The following APPL1 variants were observed in gnomAD, a reference collection of about 807,000 sequenced individuals.
APPL1 encodes adaptor protein, phosphotyrosine interacting with PH domain and leucine zipper 1.
A neutral mutation model predicts 106.8 loss-of-function variants in APPL1; 42 were observed. The ratio of observed to expected loss-of-function variants is 0.39; its 90% CI spans 0.31 to 0.51. The LOEUF is 0.51. Ranked by LOEUF, APPL1 falls within the 20% of genes least tolerant of loss-of-function variation. APPL1 has a pLI of 0.75. For missense variants in APPL1, 769 were observed against 858.2 expected (o/e 0.90, Z 1.30); for synonymous variants, 263 against 281.8 (o/e 0.93, Z 0.67).
Position 57,227,779 on chromosome 3 carries a change from GC to G in APPL1, c.-102del. On this transcript the variant is annotated 5_prime_UTR_variant, in exon 1 of 22. Coordinates refer to ENST00000288266, the MANE Select transcript of APPL1 (RefSeq NM_012096.3). ...GGCTGTGCGGGCGGGGACGGCTGCAGCCCTTGCCGGAGAGGGCGGGCCGGGG... is the reference window on the plus strand; with the variant it reads ...GGCTGTGCGGGCGGGGACGGCTGCAGCCTTGCCGGAGAGGGCGGGCCGGGG... 1 of 1,025,856 alleles carries G rather than the reference GC, an allele frequency of 9.7e-7. No individual in the cohort carries two copies. The highest frequency in any genetic ancestry group is 1.3e-6 in the Non-Finnish European group (1 of 762,506). 63.5% of individuals were successfully genotyped at this position (1,025,856 alleles called of 1,614,324 possible).
intron 19 of APPL1, among the ~76,000 whole-genome samples, chr3:57,262,363 T>C (rs889553433): frequency 2.3e-4 from 34 of 148,978 alleles, no homozygotes; most frequent in African/African-American, 3.2e-4. Flanking sequence ...TTCTAGTGTT[T>C]TTTTTTTCTA....
chr3:57,259,709 C>G, intron 16 of APPL1, 136 bp from the exon 17 acceptor site: 1 of 687,172 alleles, frequency 1.5e-6, no homozygotes, highest in Non-Finnish European at 2.3e-6. Flanking sequence ...CTCCCTTAGG[C>G]TGTTGAATTT....
At chr3:57,238,808 A>C (rs868485893) in intron 4 of APPL1, among the ~76,000 whole-genome samples, 1 of 152,154 alleles carries the variant, frequency 6.6e-6, no homozygotes, top group Middle Eastern at 3.2e-3. Flanking sequence ...CATAGCATAA[A>C]ATTTGTCATT....
chr3:57,247,203 A>AT (rs1447237974), intron 8 of APPL1, among the ~76,000 whole-genome samples, 192 bp from the exon 9 acceptor site: 1 of 152,226 alleles, frequency 6.6e-6, no homozygotes, highest in African/African-American at 2.4e-5. Flanking sequence ...ATGCAGTGGA[A>AT]TTTAAGTCTA....
chr3:57,268,073 A>G (rs2060907158), intron 20 of APPL1: 2 of 498,858 alleles, frequency 4.0e-6, no homozygotes, highest in Admixed American at 3.6e-5. Flanking sequence ...AGCCTGGGCA[A>G]CAGAGCGAGA....
At chr3:57,243,579 G>A (rs2060757718) in intron 7 of APPL1, among the ~76,000 whole-genome samples, 1 of 152,198 alleles carries the variant, frequency 6.6e-6, no homozygotes, top group African/African-American at 2.4e-5. Context: ...GTGACTGCTT[G>A]TGGGAATCCA....
intron 11 of APPL1, 106 bp from the exon 12 acceptor site, chr3:57,252,163 T>C: frequency 1.1e-6 from 1 of 902,236 alleles, no homozygotes; most frequent in Non-Finnish European, 1.7e-6. Flanking sequence ...TCTTTTAATA[T>C]CGATTTTTAT....
At position 57,260,132 on chromosome 3, in the gene APPL1, G is replaced by T; in HGVS notation, c.1674G>T (p.Gln558His). Residue 558 changes from glutamine to histidine, a missense_variant, in exon 18 of 22, where the codon CAG (glutamine) becomes CAT (histidine). Gln to His is a conservative substitution (Grantham distance 24). Transcript: ENST00000288266. Reference protein sequence around the residue: ...TCDCLKLIDPQTQVTRLTFPL... With the variant: ...TCDCLKLIDPHTQVTRLTFPL... ...ATTATTTTAGGTTAATTGATCCACA[G>T]ACACAAGTTACAAGGCTCACGGTGA... The T allele has an allele frequency of 6.2e-7, 1 of 1,606,688 alleles. No homozygotes were observed. Among genetic ancestry groups the T allele is most frequent in the South Asian group, 1.1e-5 (1 of 88,916 alleles).
In APPL1 at chr3:57,269,750, AG is replaced by A; in HGVS notation, c.*65del. On this transcript the variant is annotated 3_prime_UTR_variant, in exon 22 of 22. Coordinates refer to ENST00000288266, the MANE Select transcript of APPL1 (RefSeq NM_012096.3). The stretch of plus-strand genomic sequence containing the variant: ...ACAGTTTCTATGGTGAAATGGCAGA[AG>A]GTAACAACTATGTTGAAATATCAAG... The A allele has an allele frequency of 6.5e-7, 1 of 1,545,174 alleles. No homozygotes were observed. The highest frequency in any genetic ancestry group is 8.9e-7 in the Non-Finnish European group (1 of 1,122,552).
rs2060777157 is a variant in APPL1, at chr3:57,246,978, G to A, written c.622-417G>A. The stretch of plus-strand genomic sequence containing the variant: ...TTATTGTGCAGTCTGGATGACAGAC[G>A]AGACCCTGTCTCAAAAAAAAAAAAA... On this transcript the variant is annotated intron_variant, in intron 8 of 21. Coordinates refer to ENST00000288266, the MANE Select transcript of APPL1 (RefSeq NM_012096.3). 2.9e-5 allele frequency among the ~76,000 whole-genome samples: 4 copies of A among 140,054 alleles called. No individual in the cohort carries two copies. In the South Asian group the frequency reaches 9.3e-4, roughly 33 times the overall value. 91.9% of individuals were successfully genotyped at this position (140,054 alleles called of 152,430 possible). A position where few individuals can be genotyped will look rare whatever the true frequency, so the allele number is the denominator to read the frequency against.
chr3:57,238,576 G>C (rs2060729401), intron 4 of APPL1, among the ~76,000 whole-genome samples: 1 of 152,200 alleles, frequency 6.6e-6, no homozygotes, highest in Non-Finnish European at 1.5e-5. Flanking sequence ...AAAAAAGGTA[G>C]TGAGAGATTA....
At chr3:57,259,369 C>A (rs1026677531) in intron 16 of APPL1, among the ~76,000 whole-genome samples, 2 of 152,258 alleles carry the variant, frequency 1.3e-5, no homozygotes, top group South Asian at 4.1e-4. Flanking sequence ...TCTTCTGGTA[C>A]TGGAGCATAA....
Position 57,227,800 on chromosome 3 carries a change from C to A in APPL1, c.-84C>A. ...TGCAGCCCTTGCCGGAGAGGGCGGG[C>A]CGGGGTCAGCTGCGGCGGGCGGGCC... On this transcript the variant is annotated 5_prime_UTR_variant, in exon 1 of 22. Transcript: ENST00000288266. 1 of 1,235,552 alleles carries A rather than the reference C, an allele frequency of 8.1e-7. No individual in the cohort carries two copies. 76.5% of individuals were successfully genotyped at this position (1,235,552 alleles called of 1,614,324 possible).
At chr3:57,263,622 T>C (rs987562452) in intron 19 of APPL1, among the ~76,000 whole-genome samples, 24 of 152,328 alleles carry the variant, frequency 1.6e-4, no homozygotes, top group African/African-American at 5.8e-4. Flanking sequence ...TAGTACTCCA[T>C]TGTATGTAAG....
At chr3:57,258,015 T>A (rs1264290579) in intron 15 of APPL1, among the ~76,000 whole-genome samples, 1 of 152,212 alleles carries the variant, frequency 6.6e-6, no homozygotes, top group Non-Finnish European at 1.5e-5. Context: ...TATACATGGC[T>A]GTGACCCAGA....
intron 19 of APPL1, among the ~76,000 whole-genome samples, chr3:57,266,317 C>G (rs911625642): frequency 5.9e-5 from 9 of 152,154 alleles, no homozygotes; most frequent in African/African-American, 2.2e-4. Context: ...GGAAAGCCAT[C>G]AGGTACTGGG....
intron 13 of APPL1, among the ~76,000 whole-genome samples, chr3:57,254,804 T>C (rs947860719): frequency 2.0e-5 from 3 of 152,136 alleles, no homozygotes; most frequent in Non-Finnish European, 4.4e-5. Context: ...TTTGTATTTT[T>C]AATAGAGACA....
intron 15 of APPL1, 121 bp downstream of exon 15, chr3:57,257,549 T>A: frequency 2.3e-6 from 2 of 852,766 alleles, no homozygotes; most frequent in Non-Finnish European, 3.3e-6. Context: ...TTTCTTTGTT[T>A]AATTATGTAA....
At chr3:57,254,995 A>G in intron 13 of APPL1, among the ~76,000 whole-genome samples, 1 of 152,254 alleles carries the variant, frequency 6.6e-6, no homozygotes, top group East Asian at 1.9e-4. Context: ...TCTTGTTAAA[A>G]TGCGTAATAT....
Sources: allele counts gnomAD v4.1 joint callset (sites outside exome capture counted in the v4.1 genomes callset), GRCh38; gene constraint gnomAD v4.1.1; transcripts MANE v1.5; gene names NCBI Gene and HGNC (gene_info 2026-07-23, HGNC 2026-07-21).